Variants in SYT10 observed in about 807,000 individuals in gnomAD.
The protein encoded by SYT10 is synaptotagmin 10, also known as synaptotagmin-10.
SYT10 carries 31 observed loss-of-function variants against 51.1 expected under a neutral mutation model. That is an observed-to-expected ratio of 0.61 (90% CI 0.46 to 0.82). SYT10 has a LOEUF of 0.82. Ranked by LOEUF, SYT10 falls within the 40% of genes least tolerant of loss-of-function variation. The pLI is 0.00. For synonymous variants in SYT10, 233 were observed against 225.9 expected, an observed-to-expected ratio of 1.03 and a Z score of -0.28; for missense variants, 603 against 634.0, an observed-to-expected ratio of 0.95 and a Z score of 0.53.
At chr12:33,405,844 C>T (rs373960527) in intron 3 of SYT10, 2 of 134,358 alleles carry the variant, frequency 1.5e-5, no homozygotes, top group Admixed American at 7.7e-5. Flanking sequence ...AATTCTATAC[C>T]GGACAAATAA....
chr12:33,388,477 A>G (rs1866177099), intron 3 of SYT10, among the ~76,000 whole-genome samples: 1 of 152,212 alleles, frequency 6.6e-6, no homozygotes, highest in African/African-American at 2.4e-5. Flanking sequence ...TGAGTTTCCC[A>G]TATCAACCTC....
chr12:33,396,295 A>C (rs1344792348), intron 3 of SYT10, among the ~76,000 whole-genome samples: 2 of 152,196 alleles, frequency 1.3e-5, no homozygotes, highest in African/African-American at 4.8e-5. Context: ...ACCTGAAAGC[A>C]ACAAATTGGA....
chr12:33,420,026 T>C (rs1196951474), intron 2 of SYT10, among the ~76,000 whole-genome samples: 2 of 152,220 alleles, frequency 1.3e-5, no homozygotes, highest in Non-Finnish European at 2.9e-5. Flanking sequence ...TTGTAATATG[T>C]TTCTGACTCT....
intron 2 of SYT10, among the ~76,000 whole-genome samples, chr12:33,410,573 G>A (rs1301852256): frequency 6.6e-6 from 1 of 152,162 alleles, no homozygotes; most frequent in Non-Finnish European, 1.5e-5. Context: ...ATTCAAACTA[G>A]TAAAGTGGTG....
chr12:33,397,375 C>T (rs1213962474), intron 3 of SYT10, among the ~76,000 whole-genome samples: 4 of 152,092 alleles, frequency 2.6e-5, no homozygotes, highest in African/African-American at 7.2e-5. Context: ...GGGACAGTTA[C>T]CTGGATTCAG....
At chr12:33,382,604 G>T in intron 4 of SYT10, 84 bp from the exon 5 acceptor site, 1 of 1,303,802 alleles carries the variant, frequency 7.7e-7, no homozygotes. Context: ...TACTAAATAA[G>T]ACCTATAGTA....
chr12:33,433,201 C>G (rs2138440151), intron 1 of SYT10, among the ~76,000 whole-genome samples: 1 of 152,244 alleles, frequency 6.6e-6, no homozygotes, highest in Admixed American at 6.5e-5. Context: ...GACAAAAGAC[C>G]TATAATAATA....
At chr12:33,386,081 T>C (rs778138551) in intron 3 of SYT10, among the ~76,000 whole-genome samples, 26 of 152,142 alleles carry the variant, frequency 1.7e-4, no homozygotes, top group Non-Finnish European at 3.1e-4. Flanking sequence ...TGGAGTGCAG[T>C]GGTATGACCT....
At chr12:33,384,683 T>G (rs1374724460) in intron 4 of SYT10, among the ~76,000 whole-genome samples, 13 of 152,240 alleles carry the variant, frequency 8.5e-5, no homozygotes, top group Non-Finnish European at 2.9e-5. Flanking sequence ...TTTATTTTAT[T>G]ATTTATTTCA....
chr12:33,387,201 T>C (rs912061806), intron 3 of SYT10, among the ~76,000 whole-genome samples: 2 of 152,240 alleles, frequency 1.3e-5, no homozygotes, highest in African/African-American at 4.8e-5. Flanking sequence ...GATTCTCATT[T>C]CTTTATTCAT....
In SYT10 at chr12:33,439,409, G is replaced by A. The variant is rs151171356; in HGVS notation, c.114C>T (p.Phe38=). Residue 38 remains phenylalanine (F), a synonymous_variant, in exon 1 of 7, where the codon TTC becomes TTT. Transcript: ENST00000228567. Reference sequence around the variant, plus strand: ...CGCCCTGGCTGCCCCTGTCCCGAGGGAAGATGCCCGAGCACTTCTCCCACT... The same window carrying A: ...CGCCCTGGCTGCCCCTGTCCCGAGGAAAGATGCCCGAGCACTTCTCCCACT... The part of the protein sequence containing the change: ...QVEWEKCSGI[F]PRDRGSQGGS... The A allele has an allele frequency of 5.6e-6, 9 of 1,614,112 alleles. No homozygotes were observed. Among genetic ancestry groups the A allele is most frequent in the Non-Finnish European group, 7.6e-6 (9 of 1,180,026 alleles).
At chr12:33,387,651 A>G (rs183972875) in intron 3 of SYT10, among the ~76,000 whole-genome samples, 1 of 152,354 alleles carries the variant, frequency 6.6e-6, no homozygotes, top group Admixed American at 6.5e-5. Flanking sequence ...GTAGACCAAA[A>G]ATAGTGAGCA....
chr12:33,417,847 A>G (rs1313335284), intron 2 of SYT10, among the ~76,000 whole-genome samples: 1 of 152,230 alleles, frequency 6.6e-6, no homozygotes, highest in East Asian at 1.9e-4. Context: ...ATTGAAACTA[A>G]GAAGGAAAAA....
chr12:33,437,349 A>G (rs1466300678), intron 1 of SYT10, among the ~76,000 whole-genome samples: 1 of 152,138 alleles, frequency 6.6e-6, no homozygotes, highest in East Asian at 1.9e-4. Flanking sequence ...AATTTTTCTC[A>G]CTTTTTATTC....
chr12:33,389,786 G>T (rs939108627), intron 3 of SYT10, among the ~76,000 whole-genome samples: 13 of 152,160 alleles, frequency 8.5e-5, no homozygotes, highest in African/African-American at 2.4e-4. Context: ...GTGAGATGTA[G>T]AACTAGATCA....
intron 3 of SYT10, among the ~76,000 whole-genome samples, chr12:33,395,297 G>T (rs1459592152): frequency 2.6e-5 from 4 of 152,160 alleles, no homozygotes; most frequent in Non-Finnish European, 5.9e-5. Flanking sequence ...AGGAGGAGAA[G>T]AATTATTCTG....
At chr12:33,386,411 G>A (rs1406154791) in intron 3 of SYT10, among the ~76,000 whole-genome samples, 2 of 152,064 alleles carry the variant, frequency 1.3e-5, no homozygotes, top group South Asian at 2.1e-4. Flanking sequence ...AGACACAAAT[G>A]TCTTTCTGTG....
chr12:33,394,138 C>T (rs1019119013), intron 3 of SYT10, among the ~76,000 whole-genome samples: 7 of 152,088 alleles, frequency 4.6e-5, no homozygotes, highest in Admixed American at 1.3e-4. Context: ...TACACTCTTC[C>T]GTAGACTGGT....
chr12:33,420,549 G>A (rs986178831), intron 2 of SYT10, among the ~76,000 whole-genome samples: 3 of 152,104 alleles, frequency 2.0e-5, no homozygotes, highest in Non-Finnish European at 4.4e-5. Flanking sequence ...CAACTTGGGA[G>A]GCTGAGGCAG....
Sources: gnomAD v4.1 joint callset for allele counts (sites outside exome capture counted in the v4.1 genomes callset) on GRCh38, gnomAD v4.1.1 for gene constraint, MANE v1.5 for transcripts, NCBI Gene and HGNC (gene_info 2026-07-23, HGNC 2026-07-21) for gene names.